ARHGAP24: variants seen among roughly 807,000 people sequenced by gnomAD.
ARHGAP24 encodes rho GTPase-activating protein 24.
Under a neutral mutation model 76.4 loss-of-function variants are expected in ARHGAP24, and 50 were observed. That is an observed-to-expected ratio of 0.65 (90% CI 0.52 to 0.83). The LOEUF (loss-of-function observed/expected upper bound fraction) is 0.83. ARHGAP24 is among the 40% of genes least tolerant of loss of function. The pLI, the probability that ARHGAP24 is intolerant of heterozygous loss-of-function variation, is 0.00. For missense variants in ARHGAP24, 930 were observed against 914.2 expected (o/e 1.02, Z -0.22); for synonymous variants, 345 against 323.3 (o/e 1.07, Z -0.72).
chr4:85,625,848 C>T (rs1287666514), intron 2 of ARHGAP24, among the ~76,000 whole-genome samples: 1 of 152,044 alleles, frequency 6.6e-6, no homozygotes, highest in African/African-American at 2.4e-5. Context: ...CTCTTTTTAT[C>T]TTTGTTGGTT....
At chr4:85,821,500 G>C (rs1729469469) in intron 3 of ARHGAP24, among the ~76,000 whole-genome samples, 1 of 152,078 alleles carries the variant, frequency 6.6e-6, no homozygotes, top group Non-Finnish European at 1.5e-5. Context: ...CAGTCTCTTG[G>C]ACAGCCTCTA....
intron 3 of ARHGAP24, among the ~76,000 whole-genome samples, chr4:85,889,049 C>T (rs1360893344): frequency 6.6e-6 from 1 of 152,008 alleles, no homozygotes; most frequent in Non-Finnish European, 1.5e-5. Context: ...AGCTTGATTC[C>T]ATGTATTTGC....
chr4:85,919,289 G>A (rs899734006), intron 3 of ARHGAP24, among the ~76,000 whole-genome samples: 1 of 152,186 alleles, frequency 6.6e-6, no homozygotes, highest in Non-Finnish European at 1.5e-5. Flanking sequence ...CATATCTTTG[G>A]TAAGTTATTT....
At chr4:85,955,202 T>G (rs2148835888) in intron 5 of ARHGAP24, among the ~76,000 whole-genome samples, 1 of 152,082 alleles carries the variant, frequency 6.6e-6, no homozygotes, top group East Asian at 1.9e-4. Flanking sequence ...ACATGACTAT[T>G]TGAATAAGCC....
intron 1 of ARHGAP24, among the ~76,000 whole-genome samples, chr4:85,550,086 T>TA (rs1726068919): frequency 6.6e-6 from 1 of 152,232 alleles, no homozygotes; most frequent in African/African-American, 2.4e-5. Context: ...GTCTTTATGG[T>TA]AAAATGATTT....
rs184012691 is a variant in ARHGAP24, at chr4:86,001,064, T to C, written c.*342T>C. On this transcript the variant is annotated 3_prime_UTR_variant, in exon 10 of 10. Coordinates refer to ENST00000395184, the MANE Select transcript of ARHGAP24 (RefSeq NM_001025616.3). Reference sequence around the variant, plus strand: ...GTTGCAATTTAGCTTGCTTTCAAGCTTCACCCCTTGCACTTAACATAAGCT... The same window carrying C: ...GTTGCAATTTAGCTTGCTTTCAAGCCTCACCCCTTGCACTTAACATAAGCT... The C allele has an allele frequency of 6.9e-4, 323 of 466,144 alleles. 2 individuals carry two copies. The highest frequency in any genetic ancestry group is 5.8e-3 in the African/African-American group (294 of 51,080). 28.9% of individuals were successfully genotyped at this position (466,144 alleles called of 1,614,324 possible).
chr4:85,695,798 A>G (rs1723844812), intron 2 of ARHGAP24, among the ~76,000 whole-genome samples: 1 of 152,210 alleles, frequency 6.6e-6, no homozygotes, highest in Non-Finnish European at 1.5e-5. Context: ...CAGCAAATTA[A>G]TTAGTGTAAT....
intron 2 of ARHGAP24, among the ~76,000 whole-genome samples, chr4:85,674,169 C>A (rs116699840): frequency 8.1e-4 from 123 of 152,190 alleles, no homozygotes; most frequent in Non-Finnish European, 1.4e-3. Context: ...CGGTGGGGCC[C>A]AATAATTTTC....
chr4:85,720,128 G>A (rs1418733946), intron 2 of ARHGAP24, among the ~76,000 whole-genome samples: 1 of 151,904 alleles, frequency 6.6e-6, no homozygotes, highest in South Asian at 2.1e-4. Flanking sequence ...GTGGGGGGAT[G>A]GGGGAGGGAT....
At chr4:85,953,900 C>T (rs1340380450) in intron 5 of ARHGAP24, among the ~76,000 whole-genome samples, 4 of 152,138 alleles carry the variant, frequency 2.6e-5, no homozygotes, top group East Asian at 3.9e-4. Flanking sequence ...TAAATAAGCC[C>T]GTCCTCCAAG....
chr4:85,691,604 T>C (rs1723664726), intron 2 of ARHGAP24, among the ~76,000 whole-genome samples: 2 of 152,228 alleles, frequency 1.3e-5, no homozygotes, highest in Non-Finnish European at 2.9e-5. Flanking sequence ...CCCTTCTTTG[T>C]CCTTCTTAAT....
chr4:85,923,483 A>T (rs1578392468), intron 3 of ARHGAP24, among the ~76,000 whole-genome samples, 165 bp from the exon 4 acceptor site: 2 of 152,284 alleles, frequency 1.3e-5, no homozygotes, highest in African/African-American at 2.4e-5. Context: ...TCTCCTTTTT[A>T]AAATTTTTCT....
At chr4:85,862,288 T>C (rs1216178237) in intron 3 of ARHGAP24, among the ~76,000 whole-genome samples, 1 of 151,916 alleles carries the variant, frequency 6.6e-6, no homozygotes, top group Admixed American at 6.6e-5. Context: ...AGAAGATTTA[T>C]AGGCAAAAAA....
intron 2 of ARHGAP24, among the ~76,000 whole-genome samples, chr4:85,665,239 T>G (rs1169215705): frequency 1.3e-5 from 2 of 152,200 alleles, no homozygotes; most frequent in Non-Finnish European, 2.9e-5. Flanking sequence ...TAGCTCTTCT[T>G]GTTGAATTGA....
At chr4:85,774,513 T>TC (rs1727238191) in intron 3 of ARHGAP24, among the ~76,000 whole-genome samples, 1 of 152,168 alleles carries the variant, frequency 6.6e-6, no homozygotes, top group Non-Finnish European at 1.5e-5. Context: ...GCTGTTTCAA[T>TC]AAGAAAAACT....
At chr4:85,769,226 G>A (rs1482334457) in intron 3 of ARHGAP24, among the ~76,000 whole-genome samples, 1 of 152,176 alleles carries the variant, frequency 6.6e-6, no homozygotes, top group Non-Finnish European at 1.5e-5. Flanking sequence ...AATGAGATTA[G>A]GGTCATTGGT....
At chr4:85,504,481 C>G (rs1560511814) in intron 1 of ARHGAP24, among the ~76,000 whole-genome samples, 1 of 152,192 alleles carries the variant, frequency 6.6e-6, no homozygotes, top group Non-Finnish European at 1.5e-5. Flanking sequence ...TAATGGCCTT[C>G]TTTGTCTCTT....
At chr4:85,635,352 A>G (rs1335182857) in intron 2 of ARHGAP24, among the ~76,000 whole-genome samples, 1 of 151,780 alleles carries the variant, frequency 6.6e-6, no homozygotes, top group Non-Finnish European at 1.5e-5. Flanking sequence ...TAGTTTGTGA[A>G]TGAAGATGTT....
intron 3 of ARHGAP24, among the ~76,000 whole-genome samples, chr4:85,729,077 T>TA (rs1388896400): frequency 6.6e-6 from 1 of 152,210 alleles, no homozygotes; most frequent in Admixed American, 6.5e-5. Flanking sequence ...TTCTGTAAGT[T>TA]AAAATCCATG....
Sources: allele counts gnomAD v4.1 joint callset (sites outside exome capture counted in the v4.1 genomes callset), GRCh38; gene constraint gnomAD v4.1.1; transcripts MANE v1.5; gene names NCBI Gene and HGNC (gene_info 2026-07-23, HGNC 2026-07-21).